Variants in ZNF782 observed in about 807,000 individuals in gnomAD.
ZNF782 encodes the protein zinc finger protein 782.
ZNF782 carries 12 observed loss-of-function variants against 13.0 expected under a neutral mutation model. The observed-to-expected ratio is 0.92, with a 90% confidence interval of 0.59 to 1.50. The LOEUF is 1.50. Ranked by LOEUF, ZNF782 falls within the 40% of genes most tolerant of loss-of-function variation. The pLI, the probability that ZNF782 is intolerant of heterozygous loss-of-function variation, is 0.00. For missense variants in ZNF782, 770 were observed against 822.9 expected (o/e 0.94, Z 0.79); for synonymous variants, 284 against 283.0 (o/e 1.00, Z -0.04).
the ZNF782 span, chr9:96,895,570 T>A: frequency 1.3e-5 from 2 of 150,024 alleles, no homozygotes; most frequent in Non-Finnish European, 2.9e-5. Flanking sequence ...AAGGGACCTA[T>A]AGCACTTTAC....
At chr9:96,822,429 C>T (rs1240238559) in intron 5 of ZNF782, among the ~76,000 whole-genome samples, 1 of 151,976 alleles carries the variant, frequency 6.6e-6, no homozygotes, top group East Asian at 1.9e-4. Context: ...TCTTTTAACA[C>T]ATCTATCAAG....
At chr9:96,856,174 G>A (rs931847687), upstream of ZNF782, among the ~76,000 whole-genome samples, 32 of 152,230 alleles carry the variant, frequency 2.1e-4, no homozygotes, top group African/African-American at 7.5e-4. Context: ...TATATAGATT[G>A]TGAAGATTTT....
the ZNF782 span, among the ~76,000 whole-genome samples, chr9:96,901,337 T>A: frequency 7.2e-4 from 102 of 142,654 alleles, no homozygotes; most frequent in African/African-American, 2.4e-3. Flanking sequence ...AGTGGTGCAA[T>A]CTTGGCTCAC....
intron 5 of ZNF782, among the ~76,000 whole-genome samples, chr9:96,825,565 TTAAAC>T (rs1850587647): frequency 6.7e-6 from 1 of 150,272 alleles, no homozygotes; most frequent in African/African-American, 2.4e-5. Context: ...TGGGATCTAA[TTAAAC>T]TAAAGAGCTT....
At chr9:96,838,468 TC>T (rs1851074148) in intron 4 of ZNF782, among the ~76,000 whole-genome samples, 1 of 152,174 alleles carries the variant, frequency 6.6e-6, no homozygotes, top group Non-Finnish European at 1.5e-5. Context: ...TGTTTAAATC[TC>T]CCTATTTTAA....
chr9:96,832,150 G>GT (rs1391447557), intron 4 of ZNF782, among the ~76,000 whole-genome samples: 2 of 151,272 alleles, frequency 1.3e-5, no homozygotes, highest in Non-Finnish European at 2.9e-5. Context: ...ATTTAATGTA[G>GT]TTTTTTTAGT....
chr9:96,920,359 T>C, the ZNF782 span, among the ~76,000 whole-genome samples: 2,065 of 144,066 alleles, frequency 0.014, 27 homozygotes, highest in East Asian at 0.071. Flanking sequence ...CTCTGCCTCC[T>C]GGGTTCATGC....
At chr9:96,875,557 T>C in exon 1 of ZNF782, 1 of 456,740 alleles carries the variant, frequency 2.2e-6, no homozygotes, top group South Asian at 1.5e-5. Context: ...TCTGGCACTT[T>C]GGTCAACGTT....
At position 96,827,165 on chromosome 9, in the gene ZNF782, T is replaced by C; in HGVS notation, c.159A>G (p.Lys53=). 1 of 1,611,026 alleles carries C rather than the reference T, an allele frequency of 6.2e-7. No individual in the cohort carries two copies. Among genetic ancestry groups the C allele is most frequent in the Non-Finnish European group, 8.5e-7 (1 of 1,178,612 alleles). The change falls in exon 5 of 6, where the codon AAA becomes AAG. Residue 53 remains lysine, a synonymous_variant. Coordinates refer to ENST00000481138, the MANE Select transcript of ZNF782 (RefSeq NM_001001662.3). ...GTTCCAATGTGAAGATCAGTTCTGGTTTTGTAAAGCAGTAGCCTATAAATG... is the reference window on the plus strand; with the variant it reads ...GTTCCAATGTGAAGATCAGTTCTGGCTTTGTAAAGCAGTAGCCTATAAATG... ...HLVSVGYCFT[K]PELIFTLEQG...
chr9:96,820,919 A>C (rs1850397428), intron 5 of ZNF782, among the ~76,000 whole-genome samples: 2 of 152,142 alleles, frequency 1.3e-5, no homozygotes, highest in African/African-American at 4.8e-5. Context: ...ATTTCCCTAA[A>C]ACCAGCTTTG....
the ZNF782 span, chr9:96,929,116 C>A: frequency 6.2e-7 from 1 of 1,605,302 alleles, no homozygotes; most frequent in South Asian, 1.1e-5. Flanking sequence ...TGAACTGTCC[C>A]TGGGGACAGC....
chr9:96,874,686 T>C (rs1851871558), intron 1 of ZNF782, among the ~76,000 whole-genome samples: 1 of 152,220 alleles, frequency 6.6e-6, no homozygotes, highest in Non-Finnish European at 1.5e-5. Flanking sequence ...GCTGGGAAGC[T>C]CTGGAGAGTG....
the ZNF782 span, among the ~76,000 whole-genome samples, chr9:96,906,829 G>C: frequency 6.6e-6 from 1 of 152,296 alleles, no homozygotes; most frequent in Admixed American, 6.5e-5. Context: ...GATGGGGCTA[G>C]GGCCAAAAGT....
chr9:96,891,561 C>A, the ZNF782 span: 1 of 138,230 alleles, frequency 7.2e-6, no homozygotes, highest in Non-Finnish European at 1.6e-5. Flanking sequence ...TCTGTTAAGT[C>A]TTTTTTTTTT....
At chr9:96,925,137 C>G in the ZNF782 span, among the ~76,000 whole-genome samples, 4 of 152,212 alleles carry the variant, frequency 2.6e-5, no homozygotes, top group African/African-American at 9.6e-5. Flanking sequence ...CACCGGCAAC[C>G]GATGCTGGGA....
At chr9:96,868,488 T>C (rs1055107349) in intron 1 of ZNF782, among the ~76,000 whole-genome samples, 2 of 152,228 alleles carry the variant, frequency 1.3e-5, no homozygotes, top group African/African-American at 2.4e-5. Context: ...CTACCACATG[T>C]TTGTATTTAT....
chr9:96,840,094 A>G (rs1344988157), intron 4 of ZNF782, among the ~76,000 whole-genome samples: 3 of 152,152 alleles, frequency 2.0e-5, no homozygotes, highest in Non-Finnish European at 4.4e-5. Context: ...TACATTTCTT[A>G]GCAGATATGG....
the ZNF782 span, among the ~76,000 whole-genome samples, chr9:96,908,083 T>C: frequency 1.3e-5 from 2 of 152,052 alleles, no homozygotes; most frequent in Non-Finnish European, 2.9e-5. Flanking sequence ...ATAAGCTTTA[T>C]GCTGAGAAAG....
intron 4 of ZNF782, among the ~76,000 whole-genome samples, chr9:96,829,899 T>C (rs979627276): frequency 6.6e-6 from 1 of 152,248 alleles, no homozygotes; most frequent in African/African-American, 2.4e-5. Flanking sequence ...CTAAAAACTA[T>C]GGATATTATA....
Sources: allele counts gnomAD v4.1 joint callset (sites outside exome capture counted in the v4.1 genomes callset), GRCh38; gene constraint gnomAD v4.1.1; transcripts MANE v1.5; gene names NCBI Gene and HGNC (gene_info 2026-07-23, HGNC 2026-07-21).